S100A13: variants seen among roughly 807,000 people sequenced by gnomAD.
The protein encoded by S100A13 is protein S100-A13.
A neutral mutation model predicts 8.2 loss-of-function variants in S100A13; 6 were observed. That is an observed-to-expected ratio of 0.73 (90% CI 0.40 to 1.44). The LOEUF (loss-of-function observed/expected upper bound fraction) is 1.44. Ranked by LOEUF, S100A13 falls within the 40% of genes most tolerant of loss-of-function variation. The probability of loss-of-function intolerance (pLI) is 0.02; values close to 1 mark genes in which losing one functional copy is unlikely to be tolerated. For missense variants in S100A13, 114 were observed against 113.6 expected (o/e 1.00, Z -0.02); for synonymous variants, 39 against 45.9 (o/e 0.85, Z 0.61).
upstream of S100A13, chr1:153,631,983 A>T: frequency 2.3e-6 from 2 of 884,514 alleles, no homozygotes; most frequent in Non-Finnish European, 3.3e-6. Context: ...AGGGCGCAAG[A>T]GTAGCGGTCC....
At chr1:153,627,768 T>C (rs532313148), upstream of S100A13, among the ~76,000 whole-genome samples, 2 of 152,174 alleles carry the variant, frequency 1.3e-5, no homozygotes, top group South Asian at 4.1e-4. Flanking sequence ...TACTGGGGGC[T>C]GCTGCCACCA....
intron 2 of S100A13, among the ~76,000 whole-genome samples, chr1:153,624,694 T>C (rs894858049): frequency 4.6e-5 from 7 of 151,982 alleles, no homozygotes; most frequent in Admixed American, 3.3e-4. Flanking sequence ...ATCCCAACAC[T>C]TTGGAAGGCC....
chr1:153,628,505 C>T, upstream of S100A13: 1 of 1,550,654 alleles, frequency 6.4e-7, no homozygotes, highest in Non-Finnish European at 8.7e-7. Flanking sequence ...CCGTGAGTAC[C>T]CTGCCCCACT....
At chr1:153,631,493 T>G, upstream of S100A13, 4 of 1,608,848 alleles carry the variant, frequency 2.5e-6, no homozygotes, top group Non-Finnish European at 3.4e-6. Context: ...ACTGGTGTCA[T>G]TATTATTCAT....
chr1:153,631,644 C>T (rs1668014798), upstream of S100A13: 1 of 1,613,598 alleles, frequency 6.2e-7, no homozygotes. Flanking sequence ...TTGCCTCTGA[C>T]TCAGTGCTGT....
At chr1:153,634,116 G>A (rs906944046), upstream of S100A13, 1 of 152,912 alleles carries the variant, frequency 6.5e-6, no homozygotes, top group African/African-American at 2.4e-5. Flanking sequence ...GGCCGCTGCA[G>A]ACGAAAGGCA....
At chr1:153,619,075 C>A in intron 2 of S100A13, 37 bp from the exon 3 acceptor site, 5 of 1,595,196 alleles carry the variant, frequency 3.1e-6, no homozygotes, top group Non-Finnish European at 4.3e-6. Flanking sequence ...GAGTTAGAAA[C>A]TGGGGTTCTT....
chr1:153,631,507 G>A (rs1016396316), upstream of S100A13: 1 of 1,612,176 alleles, frequency 6.2e-7, no homozygotes, highest in Non-Finnish European at 8.5e-7. Flanking sequence ...TATTCATTCT[G>A]CCAGGTGAAA....
chr1:153,631,911 C>T (rs925298501), upstream of S100A13: 11 of 1,565,240 alleles, frequency 7.0e-6, no homozygotes, highest in Non-Finnish European at 9.5e-6. Context: ...CCTGCTTCCA[C>T]CTCACCCCAC....
upstream of S100A13, chr1:153,628,069 C>A (rs1295413083): frequency 6.5e-6 from 10 of 1,550,340 alleles, no homozygotes; most frequent in Non-Finnish European, 7.8e-6. Context: ...CTCAGTGAGG[C>A]CCCATGGAGG....
At chr1:153,627,183 A>C (rs1667705880) in intron 1 of S100A13, 1 of 152,352 alleles carries the variant, frequency 6.6e-6, no homozygotes, top group Admixed American at 6.5e-5. Context: ...CCAGGACCCC[A>C]CAGATCCTCC....
At chr1:153,632,614 C>T (rs540554474), upstream of S100A13, among the ~76,000 whole-genome samples, 1 of 152,184 alleles carries the variant, frequency 6.6e-6, no homozygotes, top group East Asian at 1.9e-4. Context: ...TTAAGTGGTA[C>T]TATGTGTAAA....
In S100A13 at chr1:153,626,547, A is replaced by G; in HGVS notation, c.-61-14T>C. ...GTCAGGGCTGACCTGTGGAAGAGAG[A>G]AGGAGCAGAGAGGGAGAGTCAGGGA... is the stretch of plus-strand genomic sequence containing the variant. On this transcript the variant is annotated splice_polypyrimidine_tract_variant and intron_variant, in intron 1 of 2. Coordinates refer to ENST00000476133, the MANE Select transcript of S100A13 (RefSeq NM_001024211.2). 6.6e-7 allele frequency: 1 copy of G among 1,508,674 alleles called. No homozygotes were observed. The highest frequency in any genetic ancestry group is 2.3e-5 in the East Asian group (1 of 44,004). The allele number at this position is 1,508,674 out of a possible 1,614,324, so 93.5% of individuals were successfully genotyped here. A position where few individuals can be genotyped will look rare whatever the true frequency, so the allele number is the denominator to read the frequency against.
chr1:153,627,666 G>C (rs1667748199), upstream of S100A13: 2 of 172,118 alleles, frequency 1.2e-5, no homozygotes, highest in Non-Finnish European at 2.5e-5. Flanking sequence ...CGGGCTCCCT[G>C]CCAGCCACAC....
At chr1:153,630,529 C>G (rs1332323109), upstream of S100A13, 1 of 1,614,092 alleles carries the variant, frequency 6.2e-7, no homozygotes, top group African/African-American at 1.3e-5. Flanking sequence ...GCAATGGGCT[C>G]TGAGCTGGAG....
At chr1:153,628,120 C>G, upstream of S100A13, 1 of 1,547,716 alleles carries the variant, frequency 6.5e-7, no homozygotes, top group Non-Finnish European at 8.7e-7. Flanking sequence ...TCCCCCCTTA[C>G]CGGGCTCAAC....
In S100A13 at chr1:153,618,953, A is replaced by G. The variant is rs771541638; in HGVS notation, c.239T>C (p.Ile80Thr). 2.6e-5 allele frequency: 42 copies of G among 1,613,856 alleles called. 1 individual carries two copies. Among genetic ancestry groups the G allele is most frequent in the East Asian group, 1.1e-4 (5 of 44,890 alleles). Residue 80 changes from isoleucine to threonine, a missense_variant, in exon 3 of 3, where the codon ATT (isoleucine) becomes ACT (threonine). Coordinates refer to ENST00000476133, the MANE Select transcript of S100A13 (RefSeq NM_001024211.2). Reference sequence around the variant, plus strand: ...CCTGATTTCCTTGGCCAGCTCCCCAATCAATCTCCAGTACTCATTGAACTT... The same window carrying G: ...CCTGATTTCCTTGGCCAGCTCCCCAGTCAATCTCCAGTACTCATTGAACTT... ...ELKFNEYWRL[I>T]GELAKEIRKK...
upstream of S100A13, chr1:153,628,074 T>C (rs991224235): frequency 5.2e-6 from 8 of 1,550,230 alleles, no homozygotes; most frequent in South Asian, 2.4e-5. Flanking sequence ...TGAGGCCCCA[T>C]GGAGGAGCCA....
upstream of S100A13, chr1:153,630,620 G>A (rs761375667): frequency 6.2e-7 from 1 of 1,614,248 alleles, no homozygotes; most frequent in South Asian, 1.1e-5. Flanking sequence ...GCAAGAAGGA[G>A]CTGAAAGAGC....
Sources: allele counts gnomAD v4.1 joint callset (sites outside exome capture counted in the v4.1 genomes callset), GRCh38; gene constraint gnomAD v4.1.1; transcripts MANE v1.5; gene names NCBI Gene and HGNC (gene_info 2026-07-23, HGNC 2026-07-21).